NEGR1: variants seen among roughly 807,000 people sequenced by gnomAD.
The protein encoded by NEGR1 is IgLON family member 4.
In NEGR1, 10 loss-of-function variants were observed where a neutral mutation model predicts 40.9. That is an observed-to-expected ratio of 0.24 (90% CI 0.15 to 0.42). The LOEUF (loss-of-function observed/expected upper bound fraction) is 0.42. Ranked by LOEUF, NEGR1 falls within the 10% of genes least tolerant of loss-of-function variation. NEGR1 has a pLI of 1.00. For synonymous variants in NEGR1, 185 were observed against 166.8 expected, an observed-to-expected ratio of 1.11 and a Z score of -0.84; for missense variants, 352 against 438.9, an observed-to-expected ratio of 0.80 and a Z score of 1.77.
chr1:71,583,458 A>G (rs1649198639), intron 6 of NEGR1, among the ~76,000 whole-genome samples: 1 of 152,208 alleles, frequency 6.6e-6, no homozygotes, highest in African/African-American at 2.4e-5. Flanking sequence ...GGCACATGCT[A>G]GCCTGAGAGA....
At chr1:71,685,166 AT>A (rs1367256434) in intron 4 of NEGR1, among the ~76,000 whole-genome samples, 1 of 151,930 alleles carries the variant, frequency 6.6e-6, no homozygotes, top group African/African-American at 2.4e-5. Context: ...GCGTGTTTCA[AT>A]TTTTATACTT....
rs189167868 is a variant in NEGR1, at chr1:72,281,863, A to G, written c.176+456T>C. 1.8e-4 allele frequency among the ~76,000 whole-genome samples: 27 copies of G among 152,320 alleles called. No homozygotes were observed. The East Asian group carries it at 4.5e-3, about 25-fold the overall frequency. ...GTAAAAGGAAAGAAAGATAAAGAGCAAGAAATCGAGCCTAAGTGTCCAAGT... is the reference window on the plus strand; with the variant it reads ...GTAAAAGGAAAGAAAGATAAAGAGCGAGAAATCGAGCCTAAGTGTCCAAGT... On this transcript the variant is annotated intron_variant, in intron 1 of 6. Coordinates refer to ENST00000357731, the MANE Select transcript of NEGR1 (RefSeq NM_173808.3).
intron 1 of NEGR1, among the ~76,000 whole-genome samples, chr1:72,163,257 C>T (rs1021551655): frequency 6.6e-6 from 1 of 152,044 alleles, no homozygotes; most frequent in Non-Finnish European, 1.5e-5. Context: ...ATAAGGTCAT[C>T]AATTTAGTAA....
intron 1 of NEGR1, among the ~76,000 whole-genome samples, chr1:72,131,341 T>C (rs922135888): frequency 3.3e-5 from 5 of 152,148 alleles, no homozygotes; most frequent in African/African-American, 1.2e-4. Context: ...CTTATAATAT[T>C]ATAATAGGAG....
At chr1:71,411,986 G>A (rs930719851) in intron 6 of NEGR1, among the ~76,000 whole-genome samples, 1 of 151,992 alleles carries the variant, frequency 6.6e-6, no homozygotes, top group African/African-American at 2.4e-5. Context: ...GGGTGAAAGA[G>A]TGAGACTCTG....
intron 1 of NEGR1, among the ~76,000 whole-genome samples, chr1:72,121,739 T>C (rs964179193): frequency 2.6e-5 from 4 of 152,074 alleles, no homozygotes; most frequent in African/African-American, 7.2e-5. Flanking sequence ...AAAAATCACC[T>C]CTGTACACAC....
At chr1:72,228,279 T>C (rs908560482) in intron 1 of NEGR1, among the ~76,000 whole-genome samples, 1 of 152,192 alleles carries the variant, frequency 6.6e-6, no homozygotes, top group African/African-American at 2.4e-5. Flanking sequence ...TCAGCCCATC[T>C]GTTTGAGGGC....
At chr1:71,440,429 T>TA (rs200673837) in intron 6 of NEGR1, among the ~76,000 whole-genome samples, 3,198 of 152,344 alleles carry the variant, frequency 0.021, 48 homozygotes, top group South Asian at 0.086. Context: ...TTCCAAAACA[T>TA]AAATTCTACT....
chr1:72,279,946 C>T (rs986637339), intron 1 of NEGR1, among the ~76,000 whole-genome samples: 18 of 152,046 alleles, frequency 1.2e-4, no homozygotes, highest in Admixed American at 2.0e-4. Flanking sequence ...AAGCAAATTG[C>T]TTTGAGTAAA....
intron 1 of NEGR1, among the ~76,000 whole-genome samples, chr1:72,021,119 A>G (rs972347666): frequency 2.0e-5 from 3 of 152,166 alleles, no homozygotes; most frequent in Admixed American, 2.0e-4. Context: ...AATCAAAAAT[A>G]AAATATTACA....
At chr1:71,546,398 T>C (rs954515548) in intron 6 of NEGR1, among the ~76,000 whole-genome samples, 4 of 151,614 alleles carry the variant, frequency 2.6e-5, no homozygotes, top group Non-Finnish European at 5.9e-5. Context: ...CAGCATATGC[T>C]TTCTAGTGGG....
At chr1:72,003,402 A>G (rs1311235446) in intron 1 of NEGR1, among the ~76,000 whole-genome samples, 1 of 152,134 alleles carries the variant, frequency 6.6e-6, no homozygotes, top group Non-Finnish European at 1.5e-5. Context: ...GCAGGATTTA[A>G]TTAAAAAGTT....
chr1:71,600,513 G>C (rs955518081), intron 5 of NEGR1, among the ~76,000 whole-genome samples: 3 of 152,154 alleles, frequency 2.0e-5, no homozygotes, highest in African/African-American at 7.2e-5. Context: ...CTAGGTAGTG[G>C]AAGGCTGCCA....
chr1:71,894,769 G>A (rs74662503), intron 2 of NEGR1, among the ~76,000 whole-genome samples: 3,033 of 152,208 alleles, frequency 0.02, 55 homozygotes, highest in South Asian at 0.1. Context: ...AGCTGGGCAC[G>A]TGGTGGCTCA....
In NEGR1 at chr1:72,008,591, G is replaced by T. The variant is rs367670002; in HGVS notation, c.177-73280C>A. Among the ~76,000 whole-genome samples the T allele has an allele frequency of 4.9e-4, 75 of 152,146 alleles. 2 individuals are homozygous for T. In the South Asian group the frequency reaches 0.015, roughly 31 times the overall value. On this transcript the variant is annotated intron_variant, in intron 1 of 6. Transcript: ENST00000357731. ...GCTACAGGGCCTGACACACTTAATT[G>T]TTCATACATTTTAAATATTATAATT...
At chr1:71,723,389 C>T (rs956926156) in intron 3 of NEGR1, among the ~76,000 whole-genome samples, 5 of 152,036 alleles carry the variant, frequency 3.3e-5, no homozygotes, top group Non-Finnish European at 7.4e-5. Flanking sequence ...AAGATCAAAC[C>T]TCAATTAGAA....
intron 4 of NEGR1, among the ~76,000 whole-genome samples, chr1:71,691,988 T>C (rs528311560): frequency 1.3e-3 from 199 of 151,848 alleles, no homozygotes; most frequent in African/African-American, 4.6e-3. Context: ...TTGGTGTATA[T>C]CTTATATCCT....
At chr1:71,662,809 T>A (rs1393165384) in intron 4 of NEGR1, among the ~76,000 whole-genome samples, 1 of 151,886 alleles carries the variant, frequency 6.6e-6, no homozygotes, top group Non-Finnish European at 1.5e-5. Flanking sequence ...TAACTAAAAC[T>A]AGTTCAGTTT....
intron 2 of NEGR1, among the ~76,000 whole-genome samples, chr1:71,880,214 A>T (rs549121342): frequency 6.6e-6 from 1 of 152,184 alleles, no homozygotes; most frequent in Non-Finnish European, 1.5e-5. Context: ...AATAAAAAAT[A>T]ACAATTTTAT....
Sources: gnomAD v4.1 joint callset for allele counts (sites outside exome capture counted in the v4.1 genomes callset) on GRCh38, gnomAD v4.1.1 for gene constraint, MANE v1.5 for transcripts, NCBI Gene and HGNC (gene_info 2026-07-23, HGNC 2026-07-21) for gene names.